The following RAB10 variants were observed in gnomAD, a reference collection of about 807,000 sequenced individuals.
RAB10 encodes ras-related protein Rab-10.
Under a neutral mutation model 25.7 loss-of-function variants are expected in RAB10, and 5 were observed. The ratio of observed to expected loss-of-function variants is 0.19; its 90% confidence interval spans 0.10 to 0.41. The LOEUF (loss-of-function observed/expected upper bound fraction) is 0.41, where lower values mean the gene tolerates loss of function less well. RAB10 is among the 10% of genes least tolerant of loss of function. The pLI, the probability that RAB10 is intolerant of heterozygous loss-of-function variation, is 1.00. For synonymous variants in RAB10, 89 were observed against 86.4 expected, an observed-to-expected ratio of 1.03 and a Z score of -0.16; for missense variants, 103 against 245.8, an observed-to-expected ratio of 0.42 and a Z score of 3.89.
chr2:26,078,135 A>C (rs1333446657), intron 1 of RAB10, among the ~76,000 whole-genome samples: 1 of 152,220 alleles, frequency 6.6e-6, no homozygotes, highest in African/African-American at 2.4e-5. Context: ...AAGAAGTATA[A>C]GACTTAATGA....
At chr2:26,042,741 G>A (rs979715423) in intron 1 of RAB10, 3 of 151,800 alleles carry the variant, frequency 2.0e-5, no homozygotes, top group African/African-American at 4.9e-5. Context: ...TGGTCCCTGC[G>A]CAAGGATGAC....
intron 1 of RAB10, among the ~76,000 whole-genome samples, chr2:26,055,813 C>T (rs1328223674): frequency 6.6e-6 from 1 of 152,128 alleles, no homozygotes; most frequent in Non-Finnish European, 1.5e-5. Flanking sequence ...TGTGAGCCAC[C>T]ATGCGCCTGG....
intron 2 of RAB10, among the ~76,000 whole-genome samples, chr2:26,104,580 C>T (rs1034924483): frequency 2.6e-5 from 4 of 152,062 alleles, no homozygotes; most frequent in East Asian, 1.9e-4. Flanking sequence ...TTAATTTTCA[C>T]GTCCCATTTA....
At chr2:26,125,134 C>A in intron 3 of RAB10, among the ~76,000 whole-genome samples, 1 of 152,162 alleles carries the variant, frequency 6.6e-6, no homozygotes, top group East Asian at 1.9e-4. Context: ...AGTGGAATTG[C>A]TGGATCATAT....
At chr2:26,051,077 A>G (rs1333985022) in intron 1 of RAB10, among the ~76,000 whole-genome samples, 2 of 151,928 alleles carry the variant, frequency 1.3e-5, no homozygotes, top group African/African-American at 4.8e-5. Context: ...AGCTAGGACT[A>G]CAGGCATGTG....
intron 1 of RAB10, among the ~76,000 whole-genome samples, chr2:26,071,036 G>A (rs989786132): frequency 1.3e-5 from 2 of 152,160 alleles, no homozygotes; most frequent in African/African-American, 4.8e-5. Flanking sequence ...AGTAGTCATT[G>A]TATTTACCAC....
At position 26,034,542 on chromosome 2, in the gene RAB10, T is replaced by G; in HGVS notation, c.-67T>G. The G allele has an allele frequency of 6.2e-7, 1 of 1,600,006 alleles. No individual in the cohort carries two copies. The highest frequency in any genetic ancestry group is 8.5e-7 in the Non-Finnish European group (1 of 1,172,748). On this transcript the variant is annotated 5_prime_UTR_variant, in exon 1 of 6. Coordinates refer to ENST00000264710, the MANE Select transcript of RAB10 (RefSeq NM_016131.5). The stretch of plus-strand genomic sequence containing the variant: ...GGCCTGAGAACGCCCGAGTGAGGAG[T>G]TGGCCGTAGTGAGAGGGACCGATCC...
chr2:26,078,075 A>G (rs1043577942), intron 1 of RAB10, among the ~76,000 whole-genome samples: 2 of 152,234 alleles, frequency 1.3e-5, no homozygotes, highest in Non-Finnish European at 2.9e-5. Flanking sequence ...AAGTAAGACA[A>G]TTCCATTTAC....
rs1382429488 is a variant in RAB10 at position 26,135,643 on chromosome 2, T to G, written c.*622T>G. 1 of 152,660 alleles carries G rather than the reference T, an allele frequency of 6.6e-6. No homozygotes were observed. Among genetic ancestry groups the G allele is most frequent in the Non-Finnish European group, 1.5e-5 (1 of 68,040 alleles). 9.5% of individuals were successfully genotyped at this position (152,660 alleles called of 1,614,324 possible). A position where few individuals can be genotyped will look rare whatever the true frequency, so the allele number is the denominator to read the frequency against. On this transcript the variant is annotated 3_prime_UTR_variant, in exon 6 of 6. Coordinates refer to ENST00000264710, the MANE Select transcript of RAB10 (RefSeq NM_016131.5). ...TTAAAATGTTTGTGGTTTGCTTGGC[T>G]GTAATTTTCAAAGTAGTTAATTGAG...
chr2:26,065,615 A>G (rs1666497895), intron 1 of RAB10, among the ~76,000 whole-genome samples: 1 of 152,234 alleles, frequency 6.6e-6, no homozygotes, highest in South Asian at 2.1e-4. Flanking sequence ...ACTCATTTAT[A>G]AAACTTGATA....
intron 3 of RAB10, among the ~76,000 whole-genome samples, chr2:26,123,336 T>G (rs1667843267): frequency 6.6e-6 from 1 of 152,138 alleles, no homozygotes; most frequent in Non-Finnish European, 1.5e-5. Context: ...CAGGGGATCA[T>G]GAGGACCTTT....
intron 2 of RAB10, 77 bp downstream of exon 2, chr2:26,098,799 C>A: frequency 7.9e-7 from 1 of 1,261,812 alleles, no homozygotes; most frequent in Non-Finnish European, 1.1e-6. Context: ...TTTTTTGTCA[C>A]AGGTTTAGAT....
intron 5 of RAB10, among the ~76,000 whole-genome samples, chr2:26,129,741 C>A (rs758255278): frequency 6.6e-6 from 1 of 152,150 alleles, no homozygotes; most frequent in African/African-American, 2.4e-5. Flanking sequence ...CTGCCAGCTT[C>A]CTTGCATATC....
At chr2:26,061,241 A>G (rs1666389094) in intron 1 of RAB10, among the ~76,000 whole-genome samples, 2 of 151,400 alleles carry the variant, frequency 1.3e-5, no homozygotes, top group South Asian at 4.2e-4. Context: ...CAGTGCCCCC[A>G]AGTTGCTTGG....
chr2:26,061,495 C>T (rs1014316804), intron 1 of RAB10, among the ~76,000 whole-genome samples: 5 of 152,010 alleles, frequency 3.3e-5, no homozygotes, highest in South Asian at 2.1e-4. Context: ...CCACCACAGC[C>T]GTGTTGGCTG....
chr2:26,092,306 TGTGTGTGTGTGTGTG>T lies in RAB10; in HGVS notation c.128-6355_128-6341del, dbSNP rs1559590837. Among the ~76,000 whole-genome samples, 401 of 48,880 alleles carry T rather than the reference TGTGTGTGTGTGTGTG, an allele frequency of 8.2e-3. 2 individuals are homozygous for T. Among genetic ancestry groups the T allele is most frequent in the Admixed American group, 0.013 (64 of 4,944 alleles). 32.1% of individuals were successfully genotyped at this position (48,880 alleles called of 152,430 possible). On this transcript the variant is annotated intron_variant, in intron 1 of 5. Transcript: ENST00000264710. Reference sequence around the variant, plus strand: ...GTGTGTGTGTGTGTGTGTGTGTGTGTGTGTGTGTGTGTGTGTTGGGGTGGTTAATAATAACAACAA... The same window carrying T: ...GTGTGTGTGTGTGTGTGTGTGTGTGTTTGGGGTGGTTAATAATAACAACAA...
chr2:26,098,361 C>G (rs556202257), intron 1 of RAB10, among the ~76,000 whole-genome samples: 28 of 152,182 alleles, frequency 1.8e-4, no homozygotes, highest in African/African-American at 6.0e-4. Context: ...TGGTCTCGAA[C>G]GCCTGGGCTT....
At chr2:26,120,439 C>G (rs956639358) in intron 3 of RAB10, among the ~76,000 whole-genome samples, 1 of 152,180 alleles carries the variant, frequency 6.6e-6, no homozygotes, top group African/African-American at 2.4e-5. Flanking sequence ...ATCAAAATGC[C>G]TCTTACTTTT....
At chr2:26,057,620 T>TTCA (rs1553724597) in intron 1 of RAB10, among the ~76,000 whole-genome samples, 1 of 149,076 alleles carries the variant, frequency 6.7e-6, no homozygotes, top group African/African-American at 2.5e-5. Flanking sequence ...GGCAAGTTTC[T>TTCA]TTCATTCATT....
Sources: gnomAD v4.1 joint callset for allele counts (sites outside exome capture counted in the v4.1 genomes callset) on GRCh38, gnomAD v4.1.1 for gene constraint, MANE v1.5 for transcripts, NCBI Gene and HGNC (gene_info 2026-07-23, HGNC 2026-07-21) for gene names.